The following AOAH variants were observed in gnomAD, a reference collection of about 807,000 sequenced individuals.
AOAH encodes the protein acyloxyacyl hydrolase.
AOAH carries 64 observed loss-of-function variants against 92.2 expected under a neutral mutation model. The ratio of observed to expected loss-of-function variants is 0.69; its 90% CI spans 0.57 to 0.86. The LOEUF (loss-of-function observed/expected upper bound fraction) is 0.86, where lower values mean the gene tolerates loss of function less well. AOAH is among the 40% of genes least tolerant of loss of function. The pLI is 0.00. For synonymous variants in AOAH, 263 were observed against 254.5 expected (o/e 1.03, Z -0.32); for missense variants, 656 against 694.6 (o/e 0.94, Z 0.62).
chr7:36,698,520 T>G (rs1172057054), intron 1 of AOAH, among the ~76,000 whole-genome samples: 1 of 152,084 alleles, frequency 6.6e-6, no homozygotes, highest in Non-Finnish European at 1.5e-5. Flanking sequence ...TGGAAACATA[T>G]TATTAATTTT....
At chr7:36,674,413 TG>T (rs1796115355) in intron 2 of AOAH, among the ~76,000 whole-genome samples, 1 of 152,244 alleles carries the variant, frequency 6.6e-6, no homozygotes, top group Non-Finnish European at 1.5e-5. Context: ...TCTTTTCTGG[TG>T]TTTATTCAAA....
At chr7:36,679,752 T>G (rs570304227) in intron 2 of AOAH, among the ~76,000 whole-genome samples, 2 of 152,040 alleles carry the variant, frequency 1.3e-5, no homozygotes, top group Non-Finnish European at 2.9e-5. Flanking sequence ...CCACCTCCAG[T>G]GTTCAAGCAA....
chr7:36,610,259 G>A (rs1224742007), intron 11 of AOAH, among the ~76,000 whole-genome samples: 2 of 149,710 alleles, frequency 1.3e-5, no homozygotes, highest in Admixed American at 6.7e-5. Flanking sequence ...TTACAGAGCA[G>A]CAATAAATAT....
chr7:36,692,966 C>G (rs936717042), intron 1 of AOAH, among the ~76,000 whole-genome samples: 2 of 116,156 alleles, frequency 1.7e-5, no homozygotes, highest in African/African-American at 6.0e-5. Context: ...GGAGAAAAAG[C>G]TTTCCTACTC....
intron 13 of AOAH, among the ~76,000 whole-genome samples, chr7:36,562,948 A>C (rs1787385370): frequency 6.6e-6 from 1 of 152,058 alleles, no homozygotes; most frequent in South Asian, 2.1e-4. Flanking sequence ...GGAGTTCGAG[A>C]CCAACCTGGC....
intron 1 of AOAH, among the ~76,000 whole-genome samples, chr7:36,720,188 C>T (rs568232479): frequency 6.6e-6 from 1 of 151,516 alleles, no homozygotes; most frequent in East Asian, 1.9e-4. Context: ...CTCGCTCTGT[C>T]GCCCAGGCTG....
At chr7:36,655,631 T>C (rs1456535143) in intron 4 of AOAH, among the ~76,000 whole-genome samples, 1 of 152,162 alleles carries the variant, frequency 6.6e-6, no homozygotes, top group African/African-American at 2.4e-5. Flanking sequence ...CCAAACTATG[T>C]TCAGGATCAT....
intron 3 of AOAH, among the ~76,000 whole-genome samples, chr7:36,664,591 A>G (rs1028209640): frequency 2.6e-5 from 4 of 152,270 alleles, no homozygotes; most frequent in Middle Eastern, 3.4e-3. Flanking sequence ...TGTGTCGACC[A>G]TTCTTGATCT....
intron 13 of AOAH, among the ~76,000 whole-genome samples, chr7:36,572,565 T>C (rs1393908312): frequency 6.6e-6 from 1 of 150,820 alleles, no homozygotes; most frequent in African/African-American, 2.4e-5. Flanking sequence ...AAAAAACAAA[T>C]GGTTTTCAAA....
chr7:36,689,502 G>A (rs1287661336), intron 1 of AOAH, among the ~76,000 whole-genome samples: 1 of 152,184 alleles, frequency 6.6e-6, no homozygotes. Context: ...AGGGGCAGAA[G>A]TGCTGGAGCA....
rs554612219 is a variant in AOAH at position 36,706,009 on chromosome 7, C to A, written c.127+18013G>T. 5.9e-5 allele frequency among the ~76,000 whole-genome samples: 9 copies of A among 152,190 alleles called. No homozygotes were observed. The South Asian group carries it at 8.3e-4, about 14-fold the overall frequency. On this transcript the variant is annotated intron_variant, in intron 1 of 20. Coordinates refer to ENST00000617537, the MANE Select transcript of AOAH (RefSeq NM_001637.4). ...CTTACACCTTATACAAAAATTAACT[C>A]AAGATGGATTAAACATAAGACCTAA... is the stretch of plus-strand genomic sequence containing the variant.
At chr7:36,658,276 A>G (rs373834841) in intron 4 of AOAH, among the ~76,000 whole-genome samples, 1 of 152,208 alleles carries the variant, frequency 6.6e-6, no homozygotes, top group East Asian at 1.9e-4. Context: ...GTTAGGCCAC[A>G]AAGCACTAAA....
At chr7:36,584,080 G>C (rs977519098) in intron 12 of AOAH, among the ~76,000 whole-genome samples, 11 of 152,146 alleles carry the variant, frequency 7.2e-5, no homozygotes, top group Non-Finnish European at 1.5e-4. Flanking sequence ...AATAAGTTTA[G>C]GAAATGTTTT....
In AOAH at chr7:36,517,957, ACACACACACACACG is replaced by A. The variant is rs1783904153; in HGVS notation, c.1599+4068_1599+4081del. Among the ~76,000 whole-genome samples, 9 of 82,506 alleles carry A rather than the reference ACACACACACACACG, an allele frequency of 1.1e-4. No homozygotes were observed. In the South Asian group the frequency reaches 1.3e-3, roughly 12 times the overall value. The allele number at this position is 82,506 out of a possible 152,430, so 54.1% of individuals were successfully genotyped here. ...CACACACACACACCCACACACACAC[ACACACACACACACG>A]CACACACACACACTGGATTCCTCTT... is the stretch of plus-strand genomic sequence containing the variant. On this transcript the variant is annotated intron_variant, in intron 20 of 20. Transcript: ENST00000617537.
chr7:36,582,853 T>TC (rs1269882583), intron 12 of AOAH, among the ~76,000 whole-genome samples: 24 of 151,474 alleles, frequency 1.6e-4, no homozygotes, highest in Non-Finnish European at 3.1e-4. Flanking sequence ...TCAGTGTCTT[T>TC]TTTTTTTTTG....
intron 16 of AOAH, among the ~76,000 whole-genome samples, chr7:36,535,948 A>C (rs1256642693): frequency 6.6e-6 from 1 of 152,206 alleles, no homozygotes; most frequent in Non-Finnish European, 1.5e-5. Flanking sequence ...TCACAAAGAC[A>C]ATAAACTCTC....
intron 11 of AOAH, among the ~76,000 whole-genome samples, chr7:36,601,682 AG>A (rs1562609478): frequency 6.6e-6 from 1 of 152,250 alleles, no homozygotes; most frequent in African/African-American, 2.4e-5. Context: ...AGTAGCATTA[AG>A]GGCAGTCCAG....
intron 3 of AOAH, among the ~76,000 whole-genome samples, chr7:36,668,710 C>G (rs1384150196): frequency 6.6e-6 from 1 of 152,208 alleles, no homozygotes; most frequent in East Asian, 1.9e-4. Context: ...TGGTCTTAAA[C>G]TCCTGGACTC....
intron 3 of AOAH, among the ~76,000 whole-genome samples, chr7:36,671,251 C>T (rs1795906571): frequency 6.6e-6 from 1 of 152,112 alleles, no homozygotes; most frequent in Non-Finnish European, 1.5e-5. Flanking sequence ...TCAACAAACA[C>T]TTATTGAAGA....
Sources: gnomAD v4.1 joint callset for allele counts (sites outside exome capture counted in the v4.1 genomes callset) on GRCh38, gnomAD v4.1.1 for gene constraint, MANE v1.5 for transcripts, NCBI Gene and HGNC (gene_info 2026-07-23, HGNC 2026-07-21) for gene names.